ZNF280C: variants seen among roughly 807,000 people sequenced by gnomAD.
The protein encoded by ZNF280C is zinc finger protein 280C.
In ZNF280C, 14 loss-of-function variants were observed where a neutral mutation model predicts 53.6. The ratio of observed to expected loss-of-function variants is 0.26; its 90% confidence interval spans 0.17 to 0.41. ZNF280C has a LOEUF of 0.41. Ranked by LOEUF, ZNF280C falls within the 10% of genes least tolerant of loss-of-function variation. The probability of loss-of-function intolerance (pLI) is 1.00; values close to 1 mark genes in which losing one functional copy is unlikely to be tolerated. For synonymous variants in ZNF280C, 203 were observed against 181.1 expected, an observed-to-expected ratio of 1.12 and a Z score of -0.97; for missense variants, 416 against 547.1, an observed-to-expected ratio of 0.76 and a Z score of 2.39.
intron 5 of ZNF280C, among the ~76,000 whole-genome samples, chrX:130,240,192 ACAT>A (rs2032375026): frequency 1.8e-5 from 2 of 111,674 alleles, no homozygotes; most frequent in African/African-American, 3.2e-5. Flanking sequence ...CTATCACATA[ACAT>A]CATGTTTTTG....
chrX:130,216,599 A>C (rs2032106911), intron 13 of ZNF280C, among the ~76,000 whole-genome samples: 1 of 112,301 alleles, frequency 8.9e-6, no homozygotes, highest in Non-Finnish European at 1.9e-5. Flanking sequence ...CACCAACCAG[A>C]ATGGCTATAA....
intron 5 of ZNF280C, among the ~76,000 whole-genome samples, chrX:130,240,021 A>T (rs577785831): frequency 7.2e-5 from 8 of 111,713 alleles, no homozygotes; most frequent in African/African-American, 1.6e-4. Flanking sequence ...AGGGCTTTTT[A>T]AAAAAAGTTC....
Position 130,226,808 on chromosome X carries a change from T to C in ZNF280C, c.1346A>G (p.Lys449Arg), listed in dbSNP as rs1000319971. 2 of 1,210,633 alleles carry C rather than the reference T, an allele frequency of 1.7e-6. No individual in the cohort carries two copies. Among genetic ancestry groups the C allele is most frequent in the Middle Eastern group, 4.6e-4 (2 of 4,343 alleles). ...GTAGGGGGTTGCCATTTTACTAACT[T>C]TGAGGCAAAATGGACATAGCAAGTT... is the stretch of plus-strand genomic sequence containing the variant. ...TKNLLCPFCL[K>R]VSKMATPYMN... is the part of the protein sequence containing the mutation. The change falls in exon 12 of 19, where the codon AAA (lysine) becomes AGA (arginine). Residue 449 changes from lysine (K) to arginine (R), a missense_variant. Lys to Arg is a conservative substitution (Grantham distance 26). Transcript: ENST00000370978.
chrX:130,227,852 A>T, intron 10 of ZNF280C, 70 bp from the exon 11 acceptor site: 1 of 559,480 alleles, frequency 1.8e-6, no homozygotes, highest in Admixed American at 3.1e-5. Flanking sequence ...TTGTACATCC[A>T]CAACAAGTAA....
chrX:130,225,784 G>C (rs899518914), intron 12 of ZNF280C, among the ~76,000 whole-genome samples: 2 of 111,163 alleles, frequency 1.8e-5, no homozygotes, highest in Admixed American at 9.6e-5. Flanking sequence ...TTGATTTCAT[G>C]ATCATCCAAT....
Position 130,263,716 on chromosome X carries a change from T to C in ZNF280C, c.-16-3251A>G, listed in dbSNP as rs148276727. ...TAAATTGTATGCTATATGAATTGTA[T>C]CTCAATAATGCCATTAAGAAAATAA... On this transcript the variant is annotated intron_variant, in intron 1 of 18. Coordinates refer to ENST00000370978, the MANE Select transcript of ZNF280C (RefSeq NM_017666.5). 7.9e-3 allele frequency among the ~76,000 whole-genome samples: 878 copies of C among 111,553 alleles called. 11 individuals carry two copies. Among genetic ancestry groups the C allele is most frequent in the African/African-American group, 0.027 (826 of 30,686 alleles).
At chrX:130,266,944 T>C (rs1318556301) in intron 1 of ZNF280C, among the ~76,000 whole-genome samples, 1 of 110,557 alleles carries the variant, frequency 9.0e-6, no homozygotes, top group Non-Finnish European at 1.9e-5. Context: ...CTACTAAAAT[T>C]ACAAAAATTA....
chrX:130,230,967 CA>C (rs2032270518), intron 8 of ZNF280C, among the ~76,000 whole-genome samples: 1 of 111,412 alleles, frequency 9.0e-6, no homozygotes, highest in African/African-American at 3.3e-5. Context: ...ACCTTAAGAT[CA>C]GGGGATGTTT....
At chrX:130,242,403 T>C (rs990640121) in intron 5 of ZNF280C, among the ~76,000 whole-genome samples, 4 of 112,569 alleles carry the variant, frequency 3.6e-5, no homozygotes, top group Non-Finnish European at 7.5e-5. Flanking sequence ...AAAGCTAAAC[T>C]ATGAAAGTAT....
At chrX:130,214,800 C>T (rs1341721762) in intron 15 of ZNF280C, among the ~76,000 whole-genome samples, 6 of 111,748 alleles carry the variant, frequency 5.4e-5, no homozygotes, top group African/African-American at 1.9e-4. Flanking sequence ...TTTAAAAACA[C>T]TTTTATCTAC....
At chrX:130,237,111 A>G (rs2032343039) in intron 6 of ZNF280C, among the ~76,000 whole-genome samples, 1 of 112,132 alleles carries the variant, frequency 8.9e-6, no homozygotes, top group Admixed American at 9.5e-5. Flanking sequence ...TTAGAGAAAC[A>G]TTTTTAATGT....
At chrX:130,246,473 A>C (rs971424364) in intron 3 of ZNF280C, among the ~76,000 whole-genome samples, 16 of 112,595 alleles carry the variant, frequency 1.4e-4, no homozygotes, top group African/African-American at 4.8e-4. Flanking sequence ...GGATATTTTA[A>C]GAAAAGTATT....
intron 2 of ZNF280C, among the ~76,000 whole-genome samples, chrX:130,255,477 A>G (rs2124714956): frequency 9.2e-6 from 1 of 108,592 alleles, no homozygotes; most frequent in East Asian, 2.9e-4. Flanking sequence ...GCACCTAACA[A>G]AAGCTCCAGA....
intron 13 of ZNF280C, among the ~76,000 whole-genome samples, chrX:130,216,558 T>C (rs958550560): frequency 8.9e-6 from 1 of 111,768 alleles, no homozygotes; most frequent in Non-Finnish European, 1.9e-5. Flanking sequence ...ACCAGGGAAA[T>C]GCAAATGAAA....
intron 16 of ZNF280C, among the ~76,000 whole-genome samples, chrX:130,207,047 T>TTGGA: frequency 9.0e-6 from 1 of 111,375 alleles, no homozygotes; most frequent in Non-Finnish European, 1.9e-5. Context: ...CAGGATCAGG[T>TTGGA]TGGAAATGGA....
chrX:130,216,055 G>A lies in ZNF280C; in HGVS notation c.1574C>T (p.Thr525Ile), dbSNP rs1387249050. The change falls in exon 14 of 19, where the codon ACT becomes ATT. Residue 525 changes from threonine (T) to isoleucine (I), a missense_variant. This residue lies in a region of ZNF280C where 151 missense variants were observed against 176.9 expected (regional missense o/e 0.85). Transcript: ENST00000370978. ...SLGPLQSKLP[T>I]APFGCAPGTS... ...GCCTGGAGCGCAACCGAAAGGTGCAGTTGGTAATTTTGACTGGAGAGGTCC... is the reference window on the plus strand; with the variant it reads ...GCCTGGAGCGCAACCGAAAGGTGCAATTGGTAATTTTGACTGGAGAGGTCC... The A allele has an allele frequency of 8.3e-7, 1 of 1,209,450 alleles. No homozygotes were observed. The highest frequency in any genetic ancestry group is 1.1e-6 in the Non-Finnish European group (1 of 894,928).
At chrX:130,222,079 C>T (rs190813671) in intron 12 of ZNF280C, among the ~76,000 whole-genome samples, 66 of 110,864 alleles carry the variant, frequency 6.0e-4, no homozygotes, top group Admixed American at 4.2e-3. Context: ...ACCTATTGTT[C>T]CCTCTACCTG....
At chrX:130,219,621 T>C (rs2032141823) in intron 13 of ZNF280C, among the ~76,000 whole-genome samples, 1 of 110,782 alleles carries the variant, frequency 9.0e-6, no homozygotes, top group Admixed American at 9.7e-5. Flanking sequence ...GGAGCAAAAC[T>C]TGCTTCTCTG....
chrX:130,207,134 G>A (rs889209436), intron 16 of ZNF280C, among the ~76,000 whole-genome samples: 2 of 111,392 alleles, frequency 1.8e-5, no homozygotes, highest in Admixed American at 9.5e-5. Context: ...GCATTATTAA[G>A]TAAGTCTTAA....
Sources: allele counts gnomAD v4.1 joint callset (sites outside exome capture counted in the v4.1 genomes callset), GRCh38; gene constraint gnomAD v4.1.1; regional missense constraint gnomAD v4.1.1; transcripts MANE v1.5; gene names NCBI Gene and HGNC (gene_info 2026-07-23, HGNC 2026-07-21).